The following CRB1 variants were observed in gnomAD, a reference collection of about 807,000 sequenced individuals.
The protein encoded by CRB1 is protein crumbs homolog 1.
Under a neutral mutation model 120.0 loss-of-function variants are expected in CRB1, and 83 were observed. The observed-to-expected ratio is 0.69, with a 90% confidence interval of 0.58 to 0.83. The LOEUF (loss-of-function observed/expected upper bound fraction) is 0.83, where lower values mean the gene tolerates loss of function less well. Among genes scored for constraint, CRB1 ranks in the 40% least tolerant of loss-of-function variants. The probability of loss-of-function intolerance (pLI) is 0.00; values close to 1 mark genes in which losing one functional copy is unlikely to be tolerated. For synonymous variants in CRB1, 625 were observed against 612.5 expected (o/e 1.02, Z -0.30); for missense variants, 1,699 against 1,687.6 (o/e 1.01, Z -0.12).
At chr1:197,228,067 C>G in the CRB1 span, among the ~76,000 whole-genome samples, 20 of 152,110 alleles carry the variant, frequency 1.3e-4, no homozygotes, top group Admixed American at 1.3e-3. Flanking sequence ...GTCCTGGGGC[C>G]GGGCCCATGA....
chr1:197,325,701 C>G (rs1658454726), intron 1 of CRB1, among the ~76,000 whole-genome samples: 3 of 151,856 alleles, frequency 2.0e-5, no homozygotes, highest in African/African-American at 7.3e-5. Flanking sequence ...CTGCTTGTCT[C>G]AACAGTTTGA....
At chr1:197,274,182 A>C (rs562199487) in intron 1 of CRB1, among the ~76,000 whole-genome samples, 1 of 152,148 alleles carries the variant, frequency 6.6e-6, no homozygotes, top group South Asian at 2.1e-4. Context: ...CCTGATTTCC[A>C]CTATCTGCCA....
At chr1:197,305,482 C>G (rs1024054246) in intron 1 of CRB1, among the ~76,000 whole-genome samples, 12 of 151,756 alleles carry the variant, frequency 7.9e-5, no homozygotes, top group African/African-American at 2.9e-4. Flanking sequence ...GTATAATTAA[C>G]TGTATTTTCT....
the CRB1 span, among the ~76,000 whole-genome samples, chr1:197,204,608 CCCACTTTTTGATGGAATTTTTTTTCTTA>C: frequency 6.6e-6 from 1 of 151,986 alleles, no homozygotes; most frequent in East Asian, 1.9e-4. Context: ...ATGTCTGTAG[CCCACTTTTTGATGGAATTTTTTTTCTTA>C]CCAATTTGTT....
chr1:197,423,110 A>G (rs949968193), intron 6 of CRB1, among the ~76,000 whole-genome samples: 1 of 152,192 alleles, frequency 6.6e-6, no homozygotes, highest in Admixed American at 6.5e-5. Context: ...CTTTTTGAAG[A>G]AAAATTTAAT....
chr1:197,279,037 A>G (rs1655377781), intron 1 of CRB1, among the ~76,000 whole-genome samples: 1 of 151,986 alleles, frequency 6.6e-6, no homozygotes, highest in African/African-American at 2.4e-5. Context: ...AGTCTTGTGT[A>G]TGAAGAAATG....
At chr1:197,330,799 C>A (rs1312507209) in intron 2 of CRB1, among the ~76,000 whole-genome samples, 3 of 152,084 alleles carry the variant, frequency 2.0e-5, no homozygotes, top group African/African-American at 7.2e-5. Context: ...TGCACCCCCC[C>A]CCAAATGTTA....
At chr1:197,237,805 T>C in the CRB1 span, among the ~76,000 whole-genome samples, 11 of 152,182 alleles carry the variant, frequency 7.2e-5, no homozygotes, top group South Asian at 1.0e-3. Flanking sequence ...TTTGAAAGGA[T>C]CAGCTCTTCT....
At chr1:197,358,415 G>A (rs1484496178) in intron 5 of CRB1, among the ~76,000 whole-genome samples, 1 of 152,176 alleles carries the variant, frequency 6.6e-6, no homozygotes, top group African/African-American at 2.4e-5. Context: ...GGAAATGGGT[G>A]ACCCCTTGAA....
chr1:197,338,759 A>T (rs1659292929), intron 2 of CRB1, among the ~76,000 whole-genome samples: 1 of 152,210 alleles, frequency 6.6e-6, no homozygotes, highest in African/African-American at 2.4e-5. Context: ...AATAAAATAT[A>T]ATCAAATAGT....
intron 1 of CRB1, among the ~76,000 whole-genome samples, chr1:197,285,090 C>T (rs1236458855): frequency 1.3e-5 from 2 of 151,750 alleles, no homozygotes; most frequent in Non-Finnish European, 2.9e-5. Context: ...GTGAGTTGGT[C>T]ATTAAACTGT....
At chr1:197,278,511 A>G (rs1019359541) in intron 1 of CRB1, among the ~76,000 whole-genome samples, 1 of 151,970 alleles carries the variant, frequency 6.6e-6, no homozygotes, top group Non-Finnish European at 1.5e-5. Context: ...ACACTGTTTT[A>G]ATGGCAGAGG....
chr1:197,293,365 G>A (rs1331681297), intron 1 of CRB1, among the ~76,000 whole-genome samples: 2 of 152,020 alleles, frequency 1.3e-5, no homozygotes, highest in Non-Finnish European at 2.9e-5. Flanking sequence ...AGGACGTGAA[G>A]GACCTCTTCA....
chr1:197,411,223 T>C (rs1319601012), intron 5 of CRB1, among the ~76,000 whole-genome samples: 1 of 152,188 alleles, frequency 6.6e-6, no homozygotes, highest in African/African-American at 2.4e-5. Flanking sequence ...GAGTTCAAAT[T>C]GGGAGTTAGA....
At chr1:197,206,864 A>G in the CRB1 span, among the ~76,000 whole-genome samples, 1 of 152,090 alleles carries the variant, frequency 6.6e-6, no homozygotes, top group Non-Finnish European at 1.5e-5. Flanking sequence ...CTGTGTTGCC[A>G]TCTATCTCAT....
At chr1:197,333,529 G>T (rs760306116) in intron 2 of CRB1, among the ~76,000 whole-genome samples, 4 of 152,176 alleles carry the variant, frequency 2.6e-5, no homozygotes, top group Non-Finnish European at 4.4e-5. Flanking sequence ...CTGTAAGAGG[G>T]CAGAGAAAGG....
chr1:197,282,121 A>C (rs1374658549), intron 1 of CRB1, among the ~76,000 whole-genome samples: 1 of 151,782 alleles, frequency 6.6e-6, no homozygotes, highest in East Asian at 1.9e-4. Flanking sequence ...AGAAATCATA[A>C]TCATTCCTTT....
chr1:197,314,710 C>T (rs1054453564), intron 1 of CRB1, among the ~76,000 whole-genome samples: 2 of 152,004 alleles, frequency 1.3e-5, no homozygotes, highest in African/African-American at 4.8e-5. Context: ...TGGCATCTTT[C>T]TTTCTGTATA....
At chr1:197,207,001 CT>C in the CRB1 span, among the ~76,000 whole-genome samples, 18 of 152,186 alleles carry the variant, frequency 1.2e-4, no homozygotes, top group Admixed American at 1.2e-3. Flanking sequence ...CCCTCTTTGT[CT>C]TTTTTAACTG....
Sources: gnomAD v4.1 joint callset for allele counts (sites outside exome capture counted in the v4.1 genomes callset) on GRCh38, gnomAD v4.1.1 for gene constraint, MANE v1.5 for transcripts, NCBI Gene and HGNC (gene_info 2026-07-23, HGNC 2026-07-21) for gene names.